Variants in BMPR1A observed in about 807,000 individuals in gnomAD.
BMPR1A encodes the protein bone morphogenetic protein receptor type-1A.
Under a neutral mutation model 66.0 loss-of-function variants are expected in BMPR1A, and 7 were observed. That is an observed-to-expected ratio of 0.11 (90% CI 0.06 to 0.20). The LOEUF is 0.20. BMPR1A is among the 10% of genes least tolerant of loss of function. The pLI, the probability that BMPR1A is intolerant of heterozygous loss-of-function variation, is 1.00. For synonymous variants in BMPR1A, 200 were observed against 229.7 expected (o/e 0.87, Z 1.17); for missense variants, 408 against 669.1 (o/e 0.61, Z 4.31).
At chr10:86,847,262 C>T (rs138645759) in intron 2 of BMPR1A, among the ~76,000 whole-genome samples, 91 of 152,102 alleles carry the variant, frequency 6.0e-4, no homozygotes, top group Middle Eastern at 6.8e-3. Context: ...AGGTTTTCTC[C>T]TCATATTCTC....
At chr10:86,825,218 C>A (rs1842177997) in intron 1 of BMPR1A, among the ~76,000 whole-genome samples, 1 of 152,026 alleles carries the variant, frequency 6.6e-6, no homozygotes, top group African/African-American at 2.4e-5. Context: ...ATCCTCCCAC[C>A]TCAGCCTCTG....
At chr10:86,862,991 T>TTCC (rs558515355) in intron 2 of BMPR1A, among the ~76,000 whole-genome samples, 4 of 149,478 alleles carry the variant, frequency 2.7e-5, no homozygotes, top group African/African-American at 9.9e-5. Flanking sequence ...TTTTTTTTTT[T>TTCC]CCCCCTCTGA....
At chr10:86,813,171 T>C (rs1424777389) in intron 1 of BMPR1A, among the ~76,000 whole-genome samples, 1 of 152,230 alleles carries the variant, frequency 6.6e-6, no homozygotes, top group African/African-American at 2.4e-5. Context: ...TCCATTGTAA[T>C]TCTTACACCT....
At chr10:86,911,211 T>G (rs1843478535) in intron 7 of BMPR1A, among the ~76,000 whole-genome samples, 1 of 148,778 alleles carries the variant, frequency 6.7e-6, no homozygotes, top group Admixed American at 6.7e-5. Flanking sequence ...GACATTAGGA[T>G]TGGAAGGTTG....
intron 3 of BMPR1A, 61 bp downstream of exon 3, chr10:86,876,146 C>T: frequency 2.7e-6 from 4 of 1,489,922 alleles, no homozygotes; most frequent in East Asian, 2.3e-5. Context: ...TTTCTTGCTT[C>T]TGTTCTTTCA....
At chr10:86,891,149 G>T (rs1843144837) in intron 4 of BMPR1A, among the ~76,000 whole-genome samples, 1 of 152,160 alleles carries the variant, frequency 6.6e-6, no homozygotes, top group Non-Finnish European at 1.5e-5. Context: ...TCTTAGGTTT[G>T]CTGCTTGTCC....
Position 86,855,708 on chromosome 10 carries a change from C to CT in BMPR1A, c.-153+16732dup, listed in dbSNP as rs1842631436. ...TCAGTGACATCCACTACTGTCTGTT[C>CT]TTTGTGTTTGGCATTAGCTTTGAGA... On this transcript the variant is annotated intron_variant, in intron 2 of 12. Coordinates refer to ENST00000372037, the MANE Select transcript of BMPR1A (RefSeq NM_004329.3). The CT allele has an allele frequency of 1.3e-5, 10 of 764,946 alleles. No homozygotes were observed. In the South Asian group the frequency reaches 1.8e-4, roughly 13 times the overall value. The allele number at this position is 764,946 out of a possible 1,614,324, so 47.4% of individuals were successfully genotyped here. A position where few individuals can be genotyped will look rare whatever the true frequency, so the allele number is the denominator to read the frequency against.
rs541655884 is a variant in BMPR1A, at chr10:86,786,613, C to CTA, written c.-268+29695_-268+29696insAT. ...CCTCCAGGGCTCAGTCCTTAGACCT[C>CTA]TGTTTTAACTATGCTCATTTCCTTG... is the stretch of plus-strand genomic sequence containing the variant. On this transcript the variant is annotated intron_variant, in intron 1 of 12. Coordinates refer to ENST00000372037, the MANE Select transcript of BMPR1A (RefSeq NM_004329.3). Among the ~76,000 whole-genome samples the CTA allele has an allele frequency of 5.9e-5, 9 of 152,354 alleles. No individual in the cohort carries two copies. In the South Asian group the frequency reaches 1.9e-3, roughly 32 times the overall value.
At chr10:86,778,447 G>A (rs746897189) in intron 1 of BMPR1A, among the ~76,000 whole-genome samples, 11 of 151,964 alleles carry the variant, frequency 7.2e-5, no homozygotes, top group South Asian at 2.1e-4. Flanking sequence ...CTGCCCTGCC[G>A]CTAGTGTATT....
In BMPR1A at chr10:86,923,419, G is replaced by A. The variant is rs751815388; in HGVS notation, c.1386G>A (p.Pro462=). 2.4e-5 allele frequency: 38 copies of A among 1,614,162 alleles called. No homozygotes were observed. The South Asian group carries it at 2.6e-4, about 11-fold the overall frequency. Residue 462 remains proline, a synonymous_variant, in exon 12 of 13, where the codon CCG becomes CCA. Transcript: ENST00000372037. ...AATTGCCATATTACAACATGGTACCGAGTGATCCGTCATACGAAGATATGC... is the reference window on the plus strand; with the variant it reads ...AATTGCCATATTACAACATGGTACCAAGTGATCCGTCATACGAAGATATGC... ...EYQLPYYNMV[P]SDPSYEDMRE...
chr10:86,898,248 C>CATAT (rs55896742), intron 5 of BMPR1A, among the ~76,000 whole-genome samples: 21,526 of 150,776 alleles, frequency 0.14, 2,436 homozygotes, highest in East Asian at 0.65. Flanking sequence ...GTATATAACA[C>CATAT]ATATATATAT....
At chr10:86,879,700 C>G (rs1380717044) in intron 3 of BMPR1A, among the ~76,000 whole-genome samples, 1 of 152,198 alleles carries the variant, frequency 6.6e-6, no homozygotes, top group Admixed American at 6.5e-5. Context: ...TCCAGGACTT[C>G]TGGCTGGTGG....
intron 2 of BMPR1A, among the ~76,000 whole-genome samples, chr10:86,851,235 C>G (rs1790037533): frequency 6.6e-6 from 1 of 152,176 alleles, no homozygotes; most frequent in Non-Finnish European, 1.5e-5. Flanking sequence ...TGCCATTATA[C>G]TTACAAAGAA....
intron 2 of BMPR1A, among the ~76,000 whole-genome samples, chr10:86,841,588 A>T (rs1354269901): frequency 6.6e-6 from 1 of 152,246 alleles, no homozygotes; most frequent in Non-Finnish European, 1.5e-5. Context: ...TGTAAAATAC[A>T]TATGTGTTTT....
intron 7 of BMPR1A, among the ~76,000 whole-genome samples, chr10:86,902,312 C>T (rs1363405010): frequency 1.3e-5 from 2 of 151,820 alleles, no homozygotes; most frequent in Non-Finnish European, 2.9e-5. Context: ...TTTATAGAAG[C>T]TCTTTATATT....
At chr10:86,777,214 TTAAG>T (rs914739233) in intron 1 of BMPR1A, among the ~76,000 whole-genome samples, 1 of 152,214 alleles carries the variant, frequency 6.6e-6, no homozygotes, top group African/African-American at 2.4e-5. Flanking sequence ...AGTTTCTCTA[TTAAG>T]AACCGCAGTT....
chr10:86,830,925 G>C (rs550332772), intron 1 of BMPR1A, among the ~76,000 whole-genome samples: 2 of 151,750 alleles, frequency 1.3e-5, no homozygotes, highest in Non-Finnish European at 2.9e-5. Flanking sequence ...AGACGGCCAC[G>C]AATCTACTCT....
At chr10:86,779,898 T>C (rs1025034702) in intron 1 of BMPR1A, among the ~76,000 whole-genome samples, 10 of 152,098 alleles carry the variant, frequency 6.6e-5, no homozygotes, top group African/African-American at 2.4e-4. Flanking sequence ...CACCATGCTC[T>C]GCCCTTCTTT....
intron 2 of BMPR1A, among the ~76,000 whole-genome samples, chr10:86,839,597 A>G (rs1221517242): frequency 6.6e-6 from 1 of 151,492 alleles, no homozygotes; most frequent in Non-Finnish European, 1.5e-5. Context: ...TGTCTCAAAA[A>G]AAAAAAAAAA....
Sources: gnomAD v4.1 joint callset for allele counts (sites outside exome capture counted in the v4.1 genomes callset) on GRCh38, gnomAD v4.1.1 for gene constraint, MANE v1.5 for transcripts, NCBI Gene and HGNC (gene_info 2026-07-23, HGNC 2026-07-21) for gene names.